ZDHHC21: variants seen among roughly 807,000 people sequenced by gnomAD.
ZDHHC21 encodes zDHHC palmitoyltransferase 21.
In ZDHHC21, 15 loss-of-function variants were observed where a neutral mutation model predicts 34.6. The ratio of observed to expected loss-of-function variants is 0.43; its 90% CI spans 0.29 to 0.67. The LOEUF (loss-of-function observed/expected upper bound fraction) is 0.67, where lower values mean the gene tolerates loss of function less well. ZDHHC21 is among the 30% of genes least tolerant of loss of function. ZDHHC21 has a pLI of 0.14. For missense variants in ZDHHC21, 344 were observed against 327.7 expected, an observed-to-expected ratio of 1.05 and a Z score of -0.38; for synonymous variants, 142 against 101.8, an observed-to-expected ratio of 1.40 and a Z score of -2.38.
chr9:14,648,746 C>A (rs1337341623), intron 7 of ZDHHC21, among the ~76,000 whole-genome samples: 1 of 151,954 alleles, frequency 6.6e-6, no homozygotes, highest in Non-Finnish European at 1.5e-5. Context: ...AATAGACACT[C>A]AATAATATGT....
intron 5 of ZDHHC21, among the ~76,000 whole-genome samples, chr9:14,664,191 A>T (rs1364471021): frequency 2.0e-5 from 3 of 146,792 alleles, no homozygotes; most frequent in Non-Finnish European, 3.0e-5. Context: ...GCATTGCCTC[A>T]CTCGGGAAGC....
chr9:14,678,545 A>G (rs1406678633), intron 3 of ZDHHC21, among the ~76,000 whole-genome samples: 2 of 152,136 alleles, frequency 1.3e-5, no homozygotes, highest in Non-Finnish European at 2.9e-5. Context: ...GGGCACAGAA[A>G]AAAAAGGACA....
At chr9:14,633,421 C>T (rs796717052) in intron 8 of ZDHHC21, among the ~76,000 whole-genome samples, 12 of 152,242 alleles carry the variant, frequency 7.9e-5, no homozygotes, top group African/African-American at 2.9e-4. Context: ...TAAACCCTCA[C>T]AAGTCTCAAG....
chr9:14,647,374 C>G (rs760915253), intron 7 of ZDHHC21, among the ~76,000 whole-genome samples: 2 of 152,124 alleles, frequency 1.3e-5, no homozygotes, highest in Non-Finnish European at 2.9e-5. Flanking sequence ...TCCTTCAGCT[C>G]ATATCTTCCT....
At chr9:14,682,453 A>G (rs1837555090) in intron 2 of ZDHHC21, among the ~76,000 whole-genome samples, 1 of 152,256 alleles carries the variant, frequency 6.6e-6, no homozygotes, top group Non-Finnish European at 1.5e-5. Flanking sequence ...AGGCCATTAC[A>G]TAATGGTAAA....
chr9:14,670,953 A>T (rs188382978), intron 5 of ZDHHC21, among the ~76,000 whole-genome samples: 44 of 152,194 alleles, frequency 2.9e-4, no homozygotes, highest in Non-Finnish European at 4.4e-4. Context: ...GATCTTGGCG[A>T]CTGATACATT....
At chr9:14,669,490 A>G (rs1289449395) in intron 5 of ZDHHC21, among the ~76,000 whole-genome samples, 1 of 151,422 alleles carries the variant, frequency 6.6e-6, no homozygotes, top group African/African-American at 2.4e-5. Flanking sequence ...TGACCCAGCC[A>G]TCCCATTACT....
intron 5 of ZDHHC21, among the ~76,000 whole-genome samples, chr9:14,663,472 CTTT>C (rs890564886): frequency 8.1e-6 from 1 of 123,710 alleles, no homozygotes; most frequent in African/African-American, 3.0e-5. Context: ...ATTCAATTTT[CTTT>C]TTTTTTTCAG....
chr9:14,670,493 T>G (rs994722787), intron 5 of ZDHHC21, among the ~76,000 whole-genome samples: 1 of 152,138 alleles, frequency 6.6e-6, no homozygotes, highest in African/African-American at 2.4e-5. Context: ...CATTTACATA[T>G]TGTCTATGGC....
intron 7 of ZDHHC21, among the ~76,000 whole-genome samples, chr9:14,648,593 T>C (rs1478126534): frequency 3.3e-5 from 5 of 152,110 alleles, no homozygotes; most frequent in African/African-American, 1.2e-4. Flanking sequence ...CTTGACTATA[T>C]CCACCCCTGT....
chr9:14,627,110 A>C (rs975025489), intron 8 of ZDHHC21, among the ~76,000 whole-genome samples: 225 of 152,258 alleles, frequency 1.5e-3, no homozygotes, highest in African/African-American at 5.2e-3. Context: ...ATAATTTGGC[A>C]GAATACTAGG....
rs755969896 is a variant in ZDHHC21 at position 14,674,278 on chromosome 9, G to C, written c.63C>G (p.Val21=). The C allele has an allele frequency of 1.9e-6, 3 of 1,597,750 alleles. No individual in the cohort carries two copies. The highest frequency in any genetic ancestry group is 1.8e-5 in the Admixed American group (1 of 56,950). ...AAACAATATTGTATAACCAAACAAA[G>C]ACAATCAAACCCATGCAGCACCAAC... The part of the protein sequence containing the change: ...PHGWCCMGLI[V]FVWLYNIVLI... The change falls in exon 4 of 10, where the codon GTC becomes GTG. Residue 21 remains valine, a synonymous_variant. Transcript: ENST00000380916.
chr9:14,627,192 G>A (rs1055237926), intron 8 of ZDHHC21, among the ~76,000 whole-genome samples: 1 of 152,092 alleles, frequency 6.6e-6, no homozygotes, highest in African/African-American at 2.4e-5. Context: ...CAAGTAAATC[G>A]ACTGATTCGT....
At chr9:14,662,350 A>C (rs1833569399) in intron 5 of ZDHHC21, 24 bp from the exon 6 acceptor site, 1 of 1,564,444 alleles carries the variant, frequency 6.4e-7, no homozygotes. Flanking sequence ...ATTAAAATCC[A>C]TTTAATGAAG....
chr9:14,612,924 C>T lies in ZDHHC21; in HGVS notation c.*6042G>A, dbSNP rs2890991. 0.64 allele frequency: 97,148 copies of T among 150,868 alleles called. 32,300 individuals are homozygous for T. The highest frequency in any genetic ancestry group is 0.81 in the African/African-American group (33,431 of 41,130). 9.3% of individuals were successfully genotyped at this position (150,868 alleles called of 1,614,324 possible). A position where few individuals can be genotyped will look rare whatever the true frequency, so the allele number is the denominator to read the frequency against. The stretch of plus-strand genomic sequence containing the variant: ...ATGAGAACGAACCTTAACTCTTCAT[C>T]TTAGTATTTTGTTTCAGTATTCACT... On this transcript the variant is annotated 3_prime_UTR_variant, in exon 10 of 10. Transcript: ENST00000380916.
At chr9:14,643,713 C>A (rs1413754818) in intron 7 of ZDHHC21, among the ~76,000 whole-genome samples, 2 of 152,096 alleles carry the variant, frequency 1.3e-5, no homozygotes, top group African/African-American at 4.8e-5. Flanking sequence ...TTTTTGTGCA[C>A]AGTGAAAGAT....
chr9:14,673,880 A>G (rs1197005799), intron 4 of ZDHHC21, among the ~76,000 whole-genome samples: 2 of 152,042 alleles, frequency 1.3e-5, no homozygotes, highest in Non-Finnish European at 2.9e-5. Context: ...GTAATTAGGT[A>G]CAAAACAGCA....
chr9:14,659,973 T>C, intron 6 of ZDHHC21, among the ~76,000 whole-genome samples: 1 of 151,698 alleles, frequency 6.6e-6, no homozygotes, highest in Admixed American at 6.6e-5. Flanking sequence ...TGAGAAACAA[T>C]GTCTATGATC....
At chr9:14,661,653 G>A (rs1199060064) in intron 6 of ZDHHC21, among the ~76,000 whole-genome samples, 1 of 152,144 alleles carries the variant, frequency 6.6e-6, no homozygotes, top group East Asian at 1.9e-4. Flanking sequence ...TTACAAGAGA[G>A]CCCCCTATTG....
Sources: allele counts gnomAD v4.1 joint callset (sites outside exome capture counted in the v4.1 genomes callset), GRCh38; gene constraint gnomAD v4.1.1; transcripts MANE v1.5; gene names NCBI Gene and HGNC (gene_info 2026-07-23, HGNC 2026-07-21).